The following RANBP2 variants were observed in gnomAD, a reference collection of about 807,000 sequenced individuals.
The protein encoded by RANBP2 is E3 SUMO-protein ligase RanBP2.
RANBP2 carries 57 observed loss-of-function variants against 303.6 expected under a neutral mutation model. The observed-to-expected ratio is 0.19, with a 90% confidence interval of 0.15 to 0.23. The LOEUF (loss-of-function observed/expected upper bound fraction) is 0.23, where lower values mean the gene tolerates loss of function less well. Among genes scored for constraint, RANBP2 ranks in the 10% least tolerant of loss-of-function variants. The pLI, the probability that RANBP2 is intolerant of heterozygous loss-of-function variation, is 1.00. For missense variants in RANBP2, 3,138 were observed against 3,780.8 expected (o/e 0.83, Z 4.46); for synonymous variants, 1,167 against 1,301.5 (o/e 0.90, Z 2.23).
chr2:109,393,806 C>G, the RANBP2 span, among the ~76,000 whole-genome samples: 1 of 152,068 alleles, frequency 6.6e-6, no homozygotes, highest in Admixed American at 6.5e-5. Flanking sequence ...TGGGCACCTC[C>G]CACACCACTG....
At chr2:109,548,736 A>AT in the RANBP2 span, among the ~76,000 whole-genome samples, 13 of 127,076 alleles carry the variant, frequency 1.0e-4, no homozygotes, top group Non-Finnish European at 2.1e-4. Flanking sequence ...AGATAGCGCC[A>AT]TTGCACTCCA....
At chr2:109,619,148 A>G in the RANBP2 span, among the ~76,000 whole-genome samples, 19 of 152,342 alleles carry the variant, frequency 1.2e-4, no homozygotes, top group African/African-American at 4.3e-4. Context: ...CAGATAAGAA[A>G]ATAGAGGTTA....
At chr2:108,807,343 A>G in the RANBP2 span, among the ~76,000 whole-genome samples, 4 of 152,330 alleles carry the variant, frequency 2.6e-5, no homozygotes, top group Non-Finnish European at 2.9e-5. Flanking sequence ...AAATACATCA[A>G]TTGAATTTAA....
the RANBP2 span, among the ~76,000 whole-genome samples, chr2:109,766,241 GC>G: frequency 2.0e-5 from 3 of 151,294 alleles, no homozygotes; most frequent in Non-Finnish European, 4.4e-5. Context: ...AGGGCTGTGG[GC>G]AGCAGTGGGG....
chr2:109,583,823 C>G, the RANBP2 span, among the ~76,000 whole-genome samples: 1 of 152,124 alleles, frequency 6.6e-6, no homozygotes, highest in African/African-American at 2.4e-5. Context: ...AGAACAAAAT[C>G]AAGTCTTTTG....
chr2:108,840,875 A>G, the RANBP2 span, among the ~76,000 whole-genome samples: 2 of 151,798 alleles, frequency 1.3e-5, no homozygotes, highest in African/African-American at 4.8e-5. Flanking sequence ...TCACTGGCAC[A>G]GTCTCGGCTC....
chr2:108,943,286 A>G, the RANBP2 span, among the ~76,000 whole-genome samples: 11 of 152,164 alleles, frequency 7.2e-5, no homozygotes, highest in African/African-American at 2.4e-4. Flanking sequence ...TCCGACTCCA[A>G]AGGGCTCTGC....
chr2:109,647,002 A>T, the RANBP2 span, among the ~76,000 whole-genome samples: 5 of 152,050 alleles, frequency 3.3e-5, no homozygotes, highest in Non-Finnish European at 1.5e-5. Flanking sequence ...AGTTTTTAAA[A>T]TCGTGGAAGA....
At chr2:109,203,492 C>A in the RANBP2 span, among the ~76,000 whole-genome samples, 2,302 of 152,250 alleles carry the variant, frequency 0.015, 47 homozygotes, top group African/African-American at 0.053. Flanking sequence ...TAAGTCCCAC[C>A]GCTCCCCATT....
At chr2:108,950,542 T>G in the RANBP2 span, among the ~76,000 whole-genome samples, 2 of 152,196 alleles carry the variant, frequency 1.3e-5, no homozygotes, top group Admixed American at 1.3e-4. Flanking sequence ...TGTTTATTCG[T>G]TCATATTCTG....
chr2:109,257,077 A>G, the RANBP2 span, among the ~76,000 whole-genome samples: 92 of 152,234 alleles, frequency 6.0e-4, no homozygotes, highest in Middle Eastern at 3.4e-3. Context: ...GGCACCGTGT[A>G]TTTCAGTGGC....
the RANBP2 span, chr2:109,398,663 C>A: frequency 1.2e-6 from 2 of 1,607,132 alleles, no homozygotes; most frequent in East Asian, 4.5e-5. Flanking sequence ...TGCAATGCCT[C>A]CCTGCCCTCT....
the RANBP2 span, among the ~76,000 whole-genome samples, chr2:109,209,201 C>G: frequency 6.6e-6 from 1 of 152,276 alleles, no homozygotes; most frequent in Admixed American, 6.5e-5. Flanking sequence ...GGCTGGTGGT[C>G]TCATATGCCG....
chr2:109,536,366 G>A, the RANBP2 span, among the ~76,000 whole-genome samples: 1 of 152,212 alleles, frequency 6.6e-6, no homozygotes, highest in African/African-American at 2.4e-5. Flanking sequence ...GAGACATGAA[G>A]TCAAAGGAGA....
chr2:109,301,813 C>T, the RANBP2 span, among the ~76,000 whole-genome samples: 7 of 152,344 alleles, frequency 4.6e-5, no homozygotes, highest in Non-Finnish European at 1.0e-4. Flanking sequence ...TTCTTGTCTT[C>T]ATTCTGGCCC....
At chr2:109,140,604 A>G in the RANBP2 span, among the ~76,000 whole-genome samples, 1 of 151,776 alleles carries the variant, frequency 6.6e-6, no homozygotes, top group Non-Finnish European at 1.5e-5. Context: ...GATGGTCTTG[A>G]TCTCCTGACC....
the RANBP2 span, among the ~76,000 whole-genome samples, chr2:109,264,861 A>G: frequency 6.6e-6 from 1 of 152,210 alleles, no homozygotes; most frequent in East Asian, 1.9e-4. Context: ...TTCCTGTTGG[A>G]CAGACATCTT....
chr2:108,806,984 C>T, the RANBP2 span, among the ~76,000 whole-genome samples: 1 of 152,236 alleles, frequency 6.6e-6, no homozygotes, highest in East Asian at 1.9e-4. Flanking sequence ...TAAACTGAAA[C>T]CTGGCCTTGA....
chr2:109,243,606 A>T, the RANBP2 span, among the ~76,000 whole-genome samples: 1 of 152,168 alleles, frequency 6.6e-6, no homozygotes, highest in Non-Finnish European at 1.5e-5. Context: ...GTGGCTGGGG[A>T]ACATTTTTAA....
Sources: allele counts gnomAD v4.1 joint callset (sites outside exome capture counted in the v4.1 genomes callset), GRCh38; gene constraint gnomAD v4.1.1; transcripts MANE v1.5; gene names NCBI Gene and HGNC (gene_info 2026-07-23, HGNC 2026-07-21).